CDC42BPA: variants seen among roughly 807,000 people sequenced by gnomAD.
The protein encoded by CDC42BPA is CDC42 binding protein kinase alpha, also known as serine/threonine-protein kinase MRCK alpha.
Under a neutral mutation model 223.5 loss-of-function variants are expected in CDC42BPA, and 80 were observed. That is an observed-to-expected ratio of 0.36 (90% CI 0.30 to 0.43). The LOEUF is 0.43. CDC42BPA is among the 20% of genes least tolerant of loss of function. CDC42BPA has a pLI of 1.00. For missense variants in CDC42BPA, 1,743 were observed against 2,099.9 expected, an observed-to-expected ratio of 0.83 and a Z score of 3.32; for synonymous variants, 694 against 718.6, an observed-to-expected ratio of 0.97 and a Z score of 0.55.
intron 2 of CDC42BPA, among the ~76,000 whole-genome samples, chr1:227,247,186 C>A (rs368342278): frequency 1.4e-5 from 2 of 147,492 alleles, no homozygotes; most frequent in African/African-American, 5.0e-5. Context: ...GGCAACAGAG[C>A]GAGACTTTGT....
chr1:227,038,129 C>T (rs554559300), intron 24 of CDC42BPA, among the ~76,000 whole-genome samples: 1 of 152,224 alleles, frequency 6.6e-6, no homozygotes, highest in Admixed American at 6.5e-5. Flanking sequence ...GTAATTGAAT[C>T]ATGGGGGCAG....
Position 227,034,750 on chromosome 1 carries a change from C to T in CDC42BPA, c.3381G>A (p.Leu1127=), listed in dbSNP as rs772679530. 2.5e-6 allele frequency: 4 copies of T among 1,613,638 alleles called. No homozygotes were observed. In the East Asian group the frequency reaches 6.7e-5, roughly 27 times the overall value. The change falls in exon 26 of 37, where the codon CTG becomes CTA. Residue 1127 remains leucine (L), a synonymous_variant. Transcript: ENST00000366766. ...AGAGTTTGAAGTCACACACTATAGC[C>T]AGTGCTCTCTGCCACCCTTTCTTCA... ...AGVKKGWQRA[L]AIVCDFKLFL... is the part of the protein sequence containing the mutation.
At chr1:227,023,589 A>C (rs1033974330) in intron 31 of CDC42BPA, among the ~76,000 whole-genome samples, 4 of 152,210 alleles carry the variant, frequency 2.6e-5, no homozygotes, top group Non-Finnish European at 5.9e-5. Flanking sequence ...TGAACAAATA[A>C]GTAGAAATAC....
intron 2 of CDC42BPA, among the ~76,000 whole-genome samples, chr1:227,242,688 T>C (rs1018140341): frequency 6.6e-6 from 1 of 151,974 alleles, no homozygotes; most frequent in Non-Finnish European, 1.5e-5. Context: ...AAAAAAAGAA[T>C]TGGATTGGGG....
chr1:227,052,779 T>C (rs1173347276), intron 21 of CDC42BPA, among the ~76,000 whole-genome samples: 1 of 152,152 alleles, frequency 6.6e-6, no homozygotes, highest in Non-Finnish European at 1.5e-5. Flanking sequence ...GTTTAAGAAT[T>C]TAAACATGAA....
At chr1:227,228,110 T>C (rs1268811573) in intron 2 of CDC42BPA, among the ~76,000 whole-genome samples, 1 of 141,956 alleles carries the variant, frequency 7.0e-6, no homozygotes, top group Non-Finnish European at 1.6e-5. Context: ...GTGAGGCCTA[T>C]GGGGTGGGGA....
chr1:227,281,116 G>T (rs1232478284), intron 1 of CDC42BPA, among the ~76,000 whole-genome samples: 1 of 152,188 alleles, frequency 6.6e-6, no homozygotes, highest in Non-Finnish European at 1.5e-5. Context: ...TGAATGTGGA[G>T]AATACTGAGC....
intron 5 of CDC42BPA, among the ~76,000 whole-genome samples, chr1:227,164,294 A>T (rs1395949966): frequency 6.6e-6 from 1 of 152,162 alleles, no homozygotes; most frequent in Admixed American, 6.5e-5. Context: ...TTAGCTTAAT[A>T]TGTTCTATAA....
At chr1:227,219,391 C>T (rs1419345962) in intron 2 of CDC42BPA, 1 of 152,172 alleles carries the variant, frequency 6.6e-6, no homozygotes, top group Non-Finnish European at 1.5e-5. Flanking sequence ...TGTTGACAGG[C>T]AACACCCAGG....
At chr1:227,041,190 G>C (rs906415778) in intron 23 of CDC42BPA, among the ~76,000 whole-genome samples, 1 of 152,128 alleles carries the variant, frequency 6.6e-6, no homozygotes, top group Non-Finnish European at 1.5e-5. Flanking sequence ...TACACGTGCA[G>C]GTTTGTTACC....
chr1:227,190,416 A>G (rs1244319743), intron 5 of CDC42BPA, among the ~76,000 whole-genome samples: 2 of 152,240 alleles, frequency 1.3e-5, no homozygotes, highest in African/African-American at 4.8e-5. Flanking sequence ...TACAGTGAAT[A>G]GCACAAAGAG....
rs756583589 is a variant in CDC42BPA at position 227,129,236 on chromosome 1, A to T, written c.1391-5T>A. The T allele has an allele frequency of 3.3e-6, 5 of 1,525,236 alleles. No individual in the cohort carries two copies. Among genetic ancestry groups the T allele is most frequent in the Non-Finnish European group, 4.4e-6 (5 of 1,132,296 alleles). 94.5% of individuals were successfully genotyped at this position (1,525,236 alleles called of 1,614,324 possible). ...CTTGGACAGTCTGTGTTGACTCTTT[A>T]AAAAAAAGGATAAAAGAAATAAAAA... On this transcript the variant is annotated splice_region_variant and splice_polypyrimidine_tract_variant and intron_variant, in intron 10 of 36. Transcript: ENST00000366766.
intron 35 of CDC42BPA, chr1:227,004,225 T>C (rs549493632): frequency 6.6e-6 from 1 of 152,188 alleles, no homozygotes; most frequent in African/African-American, 2.4e-5. Flanking sequence ...GACTAATTCA[T>C]CATCAAGTCT....
intron 1 of CDC42BPA, among the ~76,000 whole-genome samples, chr1:227,255,670 A>T (rs1682921499): frequency 6.6e-6 from 1 of 152,212 alleles, no homozygotes; most frequent in South Asian, 2.1e-4. Flanking sequence ...AGCAGTAATA[A>T]AAGAATTAAT....
chr1:227,012,461 A>G (rs1188431519), intron 34 of CDC42BPA, among the ~76,000 whole-genome samples: 1 of 129,976 alleles, frequency 7.7e-6, no homozygotes, highest in Non-Finnish European at 1.9e-5. Flanking sequence ...TGACTCCCTT[A>G]GCCTCACTTC....
intron 17 of CDC42BPA, among the ~76,000 whole-genome samples, chr1:227,074,935 C>G (rs1929868): frequency 0.2 from 30,320 of 152,080 alleles, 3,126 homozygotes; most frequent in Middle Eastern, 0.26. Flanking sequence ...GGCTATCTAG[C>G]TAACGATACA....
chr1:227,144,123 T>C (rs1040568631), intron 8 of CDC42BPA, among the ~76,000 whole-genome samples: 27 of 152,308 alleles, frequency 1.8e-4, no homozygotes, highest in Middle Eastern at 6.8e-3. Context: ...GTATTCACTG[T>C]TTCAGTGAAA....
At position 226,994,981 on chromosome 1, in the gene CDC42BPA, CTACAG is replaced by C; in HGVS notation, c.4976-6_4976-2del. The C allele has an allele frequency of 6.2e-7, 1 of 1,612,050 alleles. No homozygotes were observed. The highest frequency in any genetic ancestry group is 8.5e-7 in the Non-Finnish European group (1 of 1,178,966). On this transcript the variant is annotated splice_acceptor_variant and splice_polypyrimidine_tract_variant and intron_variant, in intron 35 of 36. Transcript: ENST00000366766. LOFTEE classifies it high-confidence loss of function. The surrounding 1 kb of genome is among the most constrained non-coding windows in gnomAD (Gnocchi z 4.0). ...GCGCTGCCATTCTGTGCGGATGACC[CTACAG>C]TACATCATGCAGGCAAAATTTTACA... is the stretch of plus-strand genomic sequence containing the variant.
intron 17 of CDC42BPA, among the ~76,000 whole-genome samples, chr1:227,075,655 A>G (rs1476477638): frequency 6.6e-6 from 1 of 152,234 alleles, no homozygotes; most frequent in African/African-American, 2.4e-5. Flanking sequence ...ACTACAAGTG[A>G]CTGTAATCTT....
Sources: allele counts gnomAD v4.1 joint callset (sites outside exome capture counted in the v4.1 genomes callset), GRCh38; gene constraint gnomAD v4.1.1; non-coding constraint Gnocchi (gnomAD v3.1); transcripts MANE v1.5; gene names NCBI Gene and HGNC (gene_info 2026-07-23, HGNC 2026-07-21).